The following PDE1A variants were observed in gnomAD, a reference collection of about 807,000 sequenced individuals.
PDE1A encodes phosphodiesterase 1A, also known as dual specificity calcium/calmodulin-dependent 3',5'-cyclic nucleotide phosphodiesterase 1A.
PDE1A carries 35 observed loss-of-function variants against 61.7 expected under a neutral mutation model. That is an observed-to-expected ratio of 0.57 (90% CI 0.43 to 0.75). The LOEUF (loss-of-function observed/expected upper bound fraction) is 0.75, where lower values mean the gene tolerates loss of function less well. Ranked by LOEUF, PDE1A falls within the 30% of genes least tolerant of loss-of-function variation. The pLI, the probability that PDE1A is intolerant of heterozygous loss-of-function variation, is 0.00. For missense variants in PDE1A, 597 were observed against 630.6 expected, an observed-to-expected ratio of 0.95 and a Z score of 0.57; for synonymous variants, 232 against 213.2, an observed-to-expected ratio of 1.09 and a Z score of -0.77.
chr2:182,440,786 T>TG (rs757821800), intron 2 of PDE1A, among the ~76,000 whole-genome samples: 20 of 116,830 alleles, frequency 1.7e-4, no homozygotes, highest in African/African-American at 1.4e-4. Context: ...TTAATTTTCA[T>TG]GGGTTTTTTT....
the PDE1A span, among the ~76,000 whole-genome samples, chr2:182,559,797 GAATT>G: frequency 6.6e-6 from 1 of 152,280 alleles, no homozygotes; most frequent in South Asian, 2.1e-4. Context: ...ACAGCCATCA[GAATT>G]AATCATTTAC....
chr2:182,207,476 T>C (rs1687207652), intron 7 of PDE1A, among the ~76,000 whole-genome samples: 2 of 152,328 alleles, frequency 1.3e-5, no homozygotes, highest in South Asian at 2.1e-4. Flanking sequence ...GTGTTCAAGA[T>C]GTGGTTTGGC....
At chr2:182,157,892 T>G (rs1691183734) in intron 13 of PDE1A, among the ~76,000 whole-genome samples, 1 of 152,160 alleles carries the variant, frequency 6.6e-6, no homozygotes, top group Admixed American at 6.5e-5. Context: ...CTTTAGAGAG[T>G]TGGTAGTAGC....
chr2:182,530,746 C>T, the PDE1A span, among the ~76,000 whole-genome samples: 1 of 151,896 alleles, frequency 6.6e-6, no homozygotes, highest in Admixed American at 6.6e-5. Context: ...GAATGTGTCA[C>T]CAAAATACCT....
the PDE1A span, among the ~76,000 whole-genome samples, chr2:182,702,766 A>G: frequency 6.6e-6 from 1 of 152,232 alleles, no homozygotes; most frequent in Non-Finnish European, 1.5e-5. Context: ...GCTCTGAGTC[A>G]ATCTAAACTC....
At chr2:182,226,513 G>C (rs1359551953) in intron 6 of PDE1A, among the ~76,000 whole-genome samples, 1 of 149,794 alleles carries the variant, frequency 6.7e-6, no homozygotes, top group East Asian at 1.9e-4. Flanking sequence ...AGCAAAAGTA[G>C]AATTCTGGAC....
At chr2:182,431,341 C>G (rs918853248), upstream of PDE1A, among the ~76,000 whole-genome samples, 9 of 151,976 alleles carry the variant, frequency 5.9e-5, no homozygotes, top group Non-Finnish European at 1.3e-4. Flanking sequence ...TTGCTAAAAC[C>G]ATGAAGAGTA....
At chr2:182,213,701 G>A (rs1475050703) in intron 7 of PDE1A, among the ~76,000 whole-genome samples, 9 of 73,148 alleles carry the variant, frequency 1.2e-4, no homozygotes, top group African/African-American at 4.6e-4. Flanking sequence ...AATGAAGCGA[G>A]AAGGGAAGTT....
the PDE1A span, among the ~76,000 whole-genome samples, chr2:182,607,969 C>T: frequency 6.6e-6 from 1 of 152,172 alleles, no homozygotes; most frequent in African/African-American, 2.4e-5. Context: ...GGCCTTTATA[C>T]CTCCACCTGT....
At chr2:182,654,850 C>G in the PDE1A span, among the ~76,000 whole-genome samples, 1 of 152,128 alleles carries the variant, frequency 6.6e-6, no homozygotes. Flanking sequence ...TTGATGTTAA[C>G]AAGCTGTACC....
chr2:182,544,625 C>A, the PDE1A span, among the ~76,000 whole-genome samples: 3 of 151,966 alleles, frequency 2.0e-5, no homozygotes, highest in African/African-American at 7.2e-5. Flanking sequence ...TTTCCACTCA[C>A]CTTCCCAATC....
intron 1 of PDE1A, among the ~76,000 whole-genome samples, chr2:182,382,860 T>C (rs181338887): frequency 1.9e-3 from 282 of 152,310 alleles, no homozygotes; most frequent in African/African-American, 6.4e-3. Context: ...ATATGAATTA[T>C]AGCATTTTGT....
chr2:182,565,625 G>C, the PDE1A span, among the ~76,000 whole-genome samples: 1 of 152,034 alleles, frequency 6.6e-6, no homozygotes, highest in South Asian at 2.1e-4. Flanking sequence ...CGATACATCT[G>C]GTTGAACCAC....
At chr2:182,608,117 T>G in the PDE1A span, among the ~76,000 whole-genome samples, 5 of 152,212 alleles carry the variant, frequency 3.3e-5, no homozygotes, top group Admixed American at 1.3e-4. Context: ...TGTCTCTCAG[T>G]TCCATTCTCC....
chr2:182,427,120 GC>G, upstream of PDE1A: 1 of 509,858 alleles, frequency 2.0e-6, no homozygotes, highest in Non-Finnish European at 2.5e-6. Context: ...AGCTGGTTCA[GC>G]AGCCCCATGT....
intron 7 of PDE1A, among the ~76,000 whole-genome samples, chr2:182,223,472 G>T (rs1248613515): frequency 6.6e-6 from 1 of 151,664 alleles, no homozygotes; most frequent in East Asian, 1.9e-4. Context: ...TTAATTTTTG[G>T]ATTTTGTTTT....
At chr2:182,307,542 TC>T (rs1695669503) in intron 1 of PDE1A, among the ~76,000 whole-genome samples, 1 of 152,180 alleles carries the variant, frequency 6.6e-6, no homozygotes, top group Non-Finnish European at 1.5e-5. Context: ...TATAAATTAC[TC>T]AGTCTGTGAT....
At chr2:182,483,817 T>C (rs574603329) in intron 2 of PDE1A, among the ~76,000 whole-genome samples, 2 of 151,708 alleles carry the variant, frequency 1.3e-5, no homozygotes, top group South Asian at 4.2e-4. Context: ...ATAGAGAAAA[T>C]CAATGAAACC....
intron 13 of PDE1A, among the ~76,000 whole-genome samples, chr2:182,162,826 A>G (rs1339601835): frequency 6.6e-6 from 1 of 152,164 alleles, no homozygotes; most frequent in Non-Finnish European, 1.5e-5. Flanking sequence ...CCCCGAACCC[A>G]TAAGGTAGTT....
Sources: gnomAD v4.1 joint callset for allele counts (sites outside exome capture counted in the v4.1 genomes callset) on GRCh38, gnomAD v4.1.1 for gene constraint, MANE v1.5 for transcripts, NCBI Gene and HGNC (gene_info 2026-07-23, HGNC 2026-07-21) for gene names.